The following ANO3 variants were observed in gnomAD, a reference collection of about 807,000 sequenced individuals.
ANO3 encodes anoctamin-3.
ANO3 carries 99 observed loss-of-function variants against 144.8 expected under a neutral mutation model. That is an observed-to-expected ratio of 0.68 (90% CI 0.58 to 0.81). The LOEUF is 0.81. Among genes scored for constraint, ANO3 ranks in the 30% least tolerant of loss-of-function variants. The pLI is 0.00. For synonymous variants in ANO3, 414 were observed against 392.6 expected, an observed-to-expected ratio of 1.05 and a Z score of -0.64; for missense variants, 905 against 1,202.2, an observed-to-expected ratio of 0.75 and a Z score of 3.66.
At chr11:26,398,256 T>C (rs1857066739) in intron 1 of ANO3, among the ~76,000 whole-genome samples, 1 of 152,038 alleles carries the variant, frequency 6.6e-6, no homozygotes, top group Admixed American at 6.6e-5. Flanking sequence ...TAAGTGATTT[T>C]GAAAGCAACC....
At chr11:26,580,421 AGT>A (rs1340526869) in intron 14 of ANO3, among the ~76,000 whole-genome samples, 3 of 152,142 alleles carry the variant, frequency 2.0e-5, no homozygotes, top group Non-Finnish European at 2.9e-5. Flanking sequence ...CAAAATCTCT[AGT>A]GTCTTTCATA....
intron 17 of ANO3, among the ~76,000 whole-genome samples, chr11:26,605,515 T>A (rs1167293383): frequency 1.3e-5 from 2 of 152,222 alleles, no homozygotes; most frequent in South Asian, 4.1e-4. Context: ...CAGCTCCTCT[T>A]TGTACCTCTG....
At chr11:26,423,969 G>T (rs1857837936) in intron 1 of ANO3, among the ~76,000 whole-genome samples, 1 of 151,388 alleles carries the variant, frequency 6.6e-6, no homozygotes, top group African/African-American at 2.4e-5. Context: ...CGTAGGCATT[G>T]TTTAAAAATG....
At chr11:26,233,832 T>C (rs1023052087) in intron 1 of ANO3, among the ~76,000 whole-genome samples, 1 of 151,996 alleles carries the variant, frequency 6.6e-6, no homozygotes, top group African/African-American at 2.4e-5. Flanking sequence ...CTCAGCAAAT[T>C]AACACAAGAA....
chr11:26,471,611 G>T (rs1859786190), intron 4 of ANO3, among the ~76,000 whole-genome samples: 3 of 151,784 alleles, frequency 2.0e-5, no homozygotes, highest in South Asian at 2.1e-4. Context: ...CTGCACAAAA[G>T]CTCCTACAGC....
At chr11:26,526,336 A>T (rs1226216253) in intron 7 of ANO3, among the ~76,000 whole-genome samples, 1 of 152,150 alleles carries the variant, frequency 6.6e-6, no homozygotes, top group African/African-American at 2.4e-5. Context: ...TCACTATTTA[A>T]CTGGAAGAAA....
rs192576135 is a variant in ANO3 at position 26,595,608 on chromosome 11, C to T, written c.1448-2757C>T. The stretch of plus-strand genomic sequence containing the variant: ...GAGTCTCCCTATCAATTACTGAATA[C>T]CCATTGTGGTTTTTTCTCAATCACC... On this transcript the variant is annotated intron_variant, in intron 14 of 26. Coordinates refer to ENST00000256737, the MANE Select transcript of ANO3 (RefSeq NM_031418.4). Among the ~76,000 whole-genome samples, 926 of 151,920 alleles carry T rather than the reference C, an allele frequency of 6.1e-3. 10 individuals are homozygous for T. The highest frequency in any genetic ancestry group is 0.021 in the African/African-American group (874 of 41,398).
At position 26,584,340 on chromosome 11, in the gene ANO3, G is replaced by A. The variant is rs894029873; in HGVS notation, c.1448-14025G>A. On this transcript the variant is annotated intron_variant, in intron 14 of 26. Transcript: ENST00000256737. ...TGCCCGGCTAATTTTTGTATTTTTA[G>A]TAGAGACAGGGTTTCACCATGGTGG... 3.9e-5 allele frequency among the ~76,000 whole-genome samples: 6 copies of A among 152,074 alleles called. No homozygotes were observed. The South Asian group carries it at 8.3e-4, about 21-fold the overall frequency.
rs78101475 is a variant in ANO3, at chr11:26,490,612, G to C, written c.433-17492G>C. Among the ~76,000 whole-genome samples, 1,378 of 152,250 alleles carry C rather than the reference G, an allele frequency of 9.1e-3. 25 individuals carry two copies. Among genetic ancestry groups the C allele is most frequent in the African/African-American group, 0.032 (1,312 of 41,544 alleles). On this transcript the variant is annotated intron_variant, in intron 4 of 26. Coordinates refer to ENST00000256737, the MANE Select transcript of ANO3 (RefSeq NM_031418.4). ...TCCACGTATCTGAAATAATAAAACAGTATAACGTCACAGAGAAATGAAGGT... is the reference window on the plus strand; with the variant it reads ...TCCACGTATCTGAAATAATAAAACACTATAACGTCACAGAGAAATGAAGGT...
chr11:26,234,395 C>T (rs908526126), intron 1 of ANO3, among the ~76,000 whole-genome samples: 3 of 152,150 alleles, frequency 2.0e-5, no homozygotes, highest in Non-Finnish European at 4.4e-5. Flanking sequence ...AACATTTAGG[C>T]ACAAATTGCG....
intron 1 of ANO3, among the ~76,000 whole-genome samples, chr11:26,256,948 T>C (rs1853071609): frequency 6.6e-6 from 1 of 152,074 alleles, no homozygotes; most frequent in Admixed American, 6.6e-5. Flanking sequence ...AAGCTAGAAA[T>C]GCTGCTAAAC....
At chr11:26,204,176 C>G (rs1245148967) in intron 1 of ANO3, among the ~76,000 whole-genome samples, 2 of 152,060 alleles carry the variant, frequency 1.3e-5, no homozygotes, top group Admixed American at 6.6e-5. Flanking sequence ...TACCGCATTC[C>G]CTGGGAGGCT....
intron 1 of ANO3, among the ~76,000 whole-genome samples, chr11:26,335,035 A>G (rs1384816852): frequency 6.6e-6 from 1 of 152,170 alleles, no homozygotes; most frequent in African/African-American, 2.4e-5. Flanking sequence ...GGTAAGTATA[A>G]GTATAGTATA....
rs1292519220 is a variant in ANO3 at position 26,563,675 on chromosome 11, A to G, written c.1447+3896A>G. Among the ~76,000 whole-genome samples the G allele has an allele frequency of 2.0e-5, 3 of 152,024 alleles. No individual in the cohort carries two copies. In the East Asian group the frequency reaches 5.8e-4, roughly 29 times the overall value. On this transcript the variant is annotated intron_variant, in intron 14 of 26. Transcript: ENST00000256737. ...TGTTTCTGTAAATAATTCAAAGGTTAAAAGCCAATAGGAGTAAGTGGGTAA... is the reference window on the plus strand; with the variant it reads ...TGTTTCTGTAAATAATTCAAAGGTTGAAAGCCAATAGGAGTAAGTGGGTAA...
Position 26,310,951 on chromosome 11 carries a change from A to G in ANO3, c.-3+1232A>G, listed in dbSNP as rs372984285. Among the ~76,000 whole-genome samples the G allele has an allele frequency of 4.2e-4, 64 of 151,834 alleles. 2 individuals are homozygous for G. The South Asian group carries it at 9.1e-3, about 22-fold the overall frequency. ...GATTTTCTCTGGCATAAACTTTGCT[A>G]TTATTTTTTTTCTTTACTATTTTAT... On this transcript the variant is annotated intron_variant, in intron 1 of 26. Transcript: ENST00000525139.
chr11:26,358,695 A>T (rs989424217), intron 1 of ANO3, among the ~76,000 whole-genome samples: 1 of 152,060 alleles, frequency 6.6e-6, no homozygotes, highest in African/African-American at 2.4e-5. Context: ...TAGTTTTTTA[A>T]TATCCCCCTT....
At position 26,609,826 on chromosome 11, in the gene ANO3, A is replaced by G. The variant is rs113803141; in HGVS notation, c.1836+10112A>G. Reference sequence around the variant, plus strand: ...CTGAGGAACCTTCATAGAGTTTTCCACAGTGGCTATACTAATTTACAATTC... The same window carrying G: ...CTGAGGAACCTTCATAGAGTTTTCCGCAGTGGCTATACTAATTTACAATTC... On this transcript the variant is annotated intron_variant, in intron 17 of 26. Coordinates refer to ENST00000256737, the MANE Select transcript of ANO3 (RefSeq NM_031418.4). 2.5e-4 allele frequency among the ~76,000 whole-genome samples: 38 copies of G among 152,366 alleles called. 1 individual carries two copies. Among genetic ancestry groups the G allele is most frequent in the African/African-American group, 9.1e-4 (38 of 41,588 alleles).
At chr11:26,657,760 C>G (rs1223008534) in intron 26 of ANO3, among the ~76,000 whole-genome samples, 1 of 151,912 alleles carries the variant, frequency 6.6e-6, no homozygotes, top group Non-Finnish European at 1.5e-5. Context: ...TATTTTGTGC[C>G]TTCCCCATTT....
chr11:26,305,023 A>G (rs1023516219), upstream of ANO3, among the ~76,000 whole-genome samples: 1 of 152,036 alleles, frequency 6.6e-6, no homozygotes, highest in African/African-American at 2.4e-5. Context: ...TTTTTAAAAA[A>G]AAGAAAAGGG....
Sources: allele counts gnomAD v4.1 joint callset (sites outside exome capture counted in the v4.1 genomes callset), GRCh38; gene constraint gnomAD v4.1.1; transcripts MANE v1.5; gene names NCBI Gene and HGNC (gene_info 2026-07-23, HGNC 2026-07-21).